The following OSBPL1A variants were observed in gnomAD, a reference collection of about 807,000 sequenced individuals.
OSBPL1A encodes the protein oxysterol-binding protein-related protein 1.
A neutral mutation model predicts 137.1 loss-of-function variants in OSBPL1A; 80 were observed. The observed-to-expected ratio is 0.58, with a 90% CI of 0.49 to 0.70. The LOEUF (loss-of-function observed/expected upper bound fraction) is 0.70. Among genes scored for constraint, OSBPL1A ranks in the 30% least tolerant of loss-of-function variants. OSBPL1A has a pLI of 0.00. For synonymous variants in OSBPL1A, 365 were observed against 389.7 expected, an observed-to-expected ratio of 0.94 and a Z score of 0.75; for missense variants, 970 against 1,129.4, an observed-to-expected ratio of 0.86 and a Z score of 2.02.
chr18:24,216,956 T>G (rs1207459714), intron 17 of OSBPL1A, among the ~76,000 whole-genome samples: 1 of 152,132 alleles, frequency 6.6e-6, no homozygotes, highest in Non-Finnish European at 1.5e-5. Flanking sequence ...GATGTAAGCC[T>G]GAAACACTTT....
In OSBPL1A at chr18:24,275,537, C is replaced by T. The variant is rs980594884; in HGVS notation, c.1281+5305G>A. Reference sequence around the variant, plus strand: ...GTCACAAAATGACTACAGGACTGCCCGACAGCAAAGGAAATGAAATGAATG... The same window carrying T: ...GTCACAAAATGACTACAGGACTGCCTGACAGCAAAGGAAATGAAATGAATG... On this transcript the variant is annotated intron_variant, in intron 15 of 27. Transcript: ENST00000319481. Among the ~76,000 whole-genome samples the T allele has an allele frequency of 4.6e-5, 7 of 152,086 alleles. No individual in the cohort carries two copies. The South Asian group carries it at 8.3e-4, about 18-fold the overall frequency.
At chr18:24,352,121 C>T (rs1205033749) in intron 4 of OSBPL1A, among the ~76,000 whole-genome samples, 1 of 152,086 alleles carries the variant, frequency 6.6e-6, no homozygotes, top group Non-Finnish European at 1.5e-5. Flanking sequence ...GCCTGGGAAA[C>T]ATGGCAAAAC....
In OSBPL1A at chr18:24,381,761, C is replaced by T. The variant is rs577483187; in HGVS notation, c.-2-4226G>A. Among the ~76,000 whole-genome samples the T allele has an allele frequency of 1.4e-3, 212 of 151,824 alleles. 1 individual carries two copies. Among genetic ancestry groups the T allele is most frequent in the African/African-American group, 5.0e-3 (208 of 41,360 alleles). On this transcript the variant is annotated intron_variant, in intron 1 of 27. Coordinates refer to ENST00000319481, the MANE Select transcript of OSBPL1A (RefSeq NM_080597.4). The stretch of plus-strand genomic sequence containing the variant: ...TCACTTGAGGTCAGGAGTTCGAGCC[C>T]AGCCTGGCCAACATGGCAAAAAAAC...
Position 24,271,796 on chromosome 18 carries a change from AGCC to A in OSBPL1A, c.1281+9043_1281+9045del. ...AGGTCTCCCTAAGTCACCTTTGCGCAGCCTGCCCCTGGCTCCGGCCGGGCAGCA... is the reference window on the plus strand; with the variant it reads ...AGGTCTCCCTAAGTCACCTTTGCGCATGCCCCTGGCTCCGGCCGGGCAGCA... On this transcript the variant is annotated intron_variant, in intron 15 of 27. Coordinates refer to ENST00000319481, the MANE Select transcript of OSBPL1A (RefSeq NM_080597.4). This position sits in a 1 kb window ranked among gnomAD's most constrained non-coding sequence, Gnocchi z 4.0. 1 of 985,336 alleles carries A rather than the reference AGCC, an allele frequency of 1.0e-6. No homozygotes were observed. The allele number at this position is 985,336 out of a possible 1,614,324, so 61.0% of individuals were successfully genotyped here. A position where few individuals can be genotyped will look rare whatever the true frequency, so the allele number is the denominator to read the frequency against.
At chr18:24,269,612 T>C (rs148689547) in intron 15 of OSBPL1A, among the ~76,000 whole-genome samples, 2 of 152,104 alleles carry the variant, frequency 1.3e-5, no homozygotes, top group Non-Finnish European at 2.9e-5. Context: ...TGGACCATTA[T>C]AAAAATGTAT....
intron 24 of OSBPL1A, among the ~76,000 whole-genome samples, chr18:24,168,591 G>A (rs1269360582): frequency 2.6e-5 from 4 of 152,204 alleles, no homozygotes; most frequent in African/African-American, 9.7e-5. Flanking sequence ...TGAAGGCTTT[G>A]GAAGGGTAAG....
At chr18:24,299,767 C>G (rs985729301) in intron 14 of OSBPL1A, among the ~76,000 whole-genome samples, 4 of 152,128 alleles carry the variant, frequency 2.6e-5, no homozygotes, top group Non-Finnish European at 5.9e-5. Context: ...CAAGTATTCA[C>G]TATACACATT....
chr18:24,163,017 A>G lies in OSBPL1A; in HGVS notation c.*162T>C. The G allele has an allele frequency of 3.9e-6, 2 of 507,404 alleles. No homozygotes were observed. The highest frequency in any genetic ancestry group is 6.9e-6 in the Non-Finnish European group (2 of 288,686). 31.4% of individuals were successfully genotyped at this position (507,404 alleles called of 1,614,324 possible). A position where few individuals can be genotyped will look rare whatever the true frequency, so the allele number is the denominator to read the frequency against. On this transcript the variant is annotated 3_prime_UTR_variant, in exon 28 of 28. Transcript: ENST00000319481. ...TTTTCCTAAGACTTTCATCACCAATATCGCCTTATACCCTGCTTTTGTTGG... is the reference window on the plus strand; with the variant it reads ...TTTTCCTAAGACTTTCATCACCAATGTCGCCTTATACCCTGCTTTTGTTGG...
At chr18:24,163,768 T>A (rs1002663162) in intron 27 of OSBPL1A, among the ~76,000 whole-genome samples, 3 of 152,122 alleles carry the variant, frequency 2.0e-5, no homozygotes. Context: ...GTTTTGCTCT[T>A]GTTGCCCAGG....
At chr18:24,285,267 T>C (rs966816991) in intron 14 of OSBPL1A, among the ~76,000 whole-genome samples, 3 of 152,306 alleles carry the variant, frequency 2.0e-5, no homozygotes, top group East Asian at 3.9e-4. Flanking sequence ...ATTTATTAAA[T>C]GAATAAGGAA....
chr18:24,225,615 G>GT (rs1188593003), intron 16 of OSBPL1A, among the ~76,000 whole-genome samples: 75 of 152,216 alleles, frequency 4.9e-4, no homozygotes, highest in African/African-American at 1.8e-3. Context: ...CTGTCCTTAT[G>GT]AGAAGTTTAA....
At chr18:24,391,596 G>A (rs1234124641) in intron 1 of OSBPL1A, among the ~76,000 whole-genome samples, 1 of 151,450 alleles carries the variant, frequency 6.6e-6, no homozygotes, top group East Asian at 2.0e-4. Flanking sequence ...AAATGTCATG[G>A]TGCGCACCTA....
chr18:24,380,061 C>T (rs75749933), intron 1 of OSBPL1A, among the ~76,000 whole-genome samples: 3 of 152,302 alleles, frequency 2.0e-5, no homozygotes, highest in African/African-American at 7.2e-5. Flanking sequence ...TTTGACTTCT[C>T]TATCACAACA....
intron 17 of OSBPL1A, among the ~76,000 whole-genome samples, chr18:24,220,206 C>T (rs1417844890): frequency 6.6e-6 from 1 of 152,236 alleles, no homozygotes; most frequent in Non-Finnish European, 1.5e-5. Context: ...CACCACAGCA[C>T]AGTGGTGCCC....
intron 7 of OSBPL1A, among the ~76,000 whole-genome samples, chr18:24,328,893 TTAAA>T (rs778046358): frequency 6.6e-6 from 1 of 152,208 alleles, no homozygotes; most frequent in Non-Finnish European, 1.5e-5. Context: ...ATATATTACT[TTAAA>T]TAAAACACAT....
intron 16 of OSBPL1A, among the ~76,000 whole-genome samples, chr18:24,228,898 G>GAATAA (rs1206716015): frequency 6.6e-6 from 1 of 152,092 alleles, no homozygotes; most frequent in East Asian, 1.9e-4. Flanking sequence ...GACTACATAG[G>GAATAA]ATAAATAAAA....
chr18:24,190,073 G>A (rs1485165177), intron 18 of OSBPL1A, among the ~76,000 whole-genome samples: 1 of 152,158 alleles, frequency 6.6e-6, no homozygotes, highest in Non-Finnish European at 1.5e-5. Flanking sequence ...TCCTGCTTAG[G>A]AGCTGAAGAG....
intron 15 of OSBPL1A, among the ~76,000 whole-genome samples, chr18:24,263,025 T>C (rs1016418617): frequency 1.3e-5 from 2 of 152,208 alleles, no homozygotes; most frequent in African/African-American, 4.8e-5. Context: ...GCTCCGCTTT[T>C]TACATGCCTT....
chr18:24,356,130 C>T (rs554144206), intron 4 of OSBPL1A, among the ~76,000 whole-genome samples: 26 of 151,774 alleles, frequency 1.7e-4, no homozygotes, highest in Non-Finnish European at 3.7e-4. Flanking sequence ...GAGCTGAGAT[C>T]GCGCCACTGC....
Sources: allele counts gnomAD v4.1 joint callset (sites outside exome capture counted in the v4.1 genomes callset), GRCh38; gene constraint gnomAD v4.1.1; non-coding constraint Gnocchi (gnomAD v3.1); transcripts MANE v1.5; gene names NCBI Gene and HGNC (gene_info 2026-07-23, HGNC 2026-07-21).